CRBN: variants seen among roughly 807,000 people sequenced by gnomAD.
CRBN encodes the protein cereblon.
Under a neutral mutation model 62.2 loss-of-function variants are expected in CRBN, and 53 were observed. The ratio of observed to expected loss-of-function variants is 0.85; its 90% CI spans 0.68 to 1.07. The LOEUF (loss-of-function observed/expected upper bound fraction) is 1.07, where lower values mean the gene tolerates loss of function less well. Ranked by LOEUF, CRBN falls within the 50% of genes least tolerant of loss-of-function variation. The probability of loss-of-function intolerance (pLI) is 0.00; values close to 1 mark genes in which losing one functional copy is unlikely to be tolerated. For missense variants in CRBN, 616 were observed against 531.1 expected, an observed-to-expected ratio of 1.16 and a Z score of -1.57; for synonymous variants, 208 against 176.1, an observed-to-expected ratio of 1.18 and a Z score of -1.43.
chr3:3,155,979 G>A (rs538843888), intron 6 of CRBN: 2 of 453,832 alleles, frequency 4.4e-6, no homozygotes, highest in Non-Finnish European at 4.0e-6. Context: ...GCTAATTTTT[G>A]TATTTGTAGA....
At chr3:3,151,318 G>A (rs1004595733) in intron 10 of CRBN, among the ~76,000 whole-genome samples, 3 of 151,980 alleles carry the variant, frequency 2.0e-5, no homozygotes, top group African/African-American at 7.3e-5. Flanking sequence ...TTTCTTTATA[G>A]AAATTGCTGG....
intron 1 of CRBN, among the ~76,000 whole-genome samples, chr3:3,177,951 T>C (rs1441774169): frequency 6.6e-6 from 1 of 151,428 alleles, no homozygotes; most frequent in Non-Finnish European, 1.5e-5. Context: ...ATTATTGCTA[T>C]ATCTACACCA....
intron 5 of CRBN, among the ~76,000 whole-genome samples, chr3:3,166,130 A>G (rs538362355): frequency 2.6e-4 from 39 of 151,338 alleles, no homozygotes; most frequent in African/African-American, 7.7e-4. Context: ...CCCCACTCAA[A>G]TCTCATCTTG....
intron 1 of CRBN, among the ~76,000 whole-genome samples, chr3:3,178,887 A>C (rs711612): frequency 0.9 from 135,288 of 150,202 alleles, 62,444 homozygotes; most frequent in East Asian, 1. Flanking sequence ...TATTCCATGC[A>C]TTTTTTTTTT....
chr3:3,177,924 A>T (rs897844490), intron 1 of CRBN, among the ~76,000 whole-genome samples: 1 of 152,168 alleles, frequency 6.6e-6, no homozygotes, highest in Non-Finnish European at 1.5e-5. Context: ...AATAAAATTT[A>T]CGTAATTTGG....
At chr3:3,160,730 G>GT (rs1707106310) in intron 5 of CRBN, among the ~76,000 whole-genome samples, 2 of 152,234 alleles carry the variant, frequency 1.3e-5, no homozygotes, top group Admixed American at 1.3e-4. Context: ...CAAAAAAGCA[G>GT]TGAGGGGCTT....
chr3:3,178,658 A>C (rs1196036485), intron 1 of CRBN, among the ~76,000 whole-genome samples: 1 of 152,166 alleles, frequency 6.6e-6, no homozygotes, highest in Non-Finnish European at 1.5e-5. Context: ...GCCCTAAATC[A>C]ACCGCCTCTG....
At position 3,153,416 on chromosome 3, in the gene CRBN, G is replaced by A; in HGVS notation, c.1016+8C>T. On this transcript the variant is annotated splice_region_variant and intron_variant, in intron 9 of 10. Transcript: ENST00000231948. ...GCAAGTATATTAAAAACGTAATAAA[G>A]ACCTTACCTGAATATTTCATTTTTG... 3 of 1,434,748 alleles carry A rather than the reference G, an allele frequency of 2.1e-6. No homozygotes were observed. Among genetic ancestry groups the A allele is most frequent in the Non-Finnish European group, 2.9e-6 (3 of 1,017,028 alleles). The allele number at this position is 1,434,748 out of a possible 1,614,324, so 88.9% of individuals were successfully genotyped here. A position where few individuals can be genotyped will look rare whatever the true frequency, so the allele number is the denominator to read the frequency against.
In CRBN at chr3:3,153,610, C is replaced by A. The variant is rs1706735792; in HGVS notation, c.952-122G>T. The A allele has an allele frequency of 4.2e-6, 3 of 714,984 alleles. No homozygotes were observed. In the South Asian group the frequency reaches 4.7e-5, roughly 11 times the overall value. 44.3% of individuals were successfully genotyped at this position (714,984 alleles called of 1,614,324 possible). On this transcript the variant is annotated intron_variant, in intron 8 of 10. Coordinates refer to ENST00000231948, the MANE Select transcript of CRBN (RefSeq NM_016302.4). The stretch of plus-strand genomic sequence containing the variant: ...TTGCTCTCTCTGAATATCACATTTT[C>A]CTTCCAAGCATTCAAAAACACTTTT...
At chr3:3,156,438 G>GTA in intron 5 of CRBN, 157 bp from the exon 6 acceptor site, 1 of 646,734 alleles carries the variant, frequency 1.5e-6, no homozygotes. Flanking sequence ...GACTATCTAT[G>GTA]AAGTGTGAAA....
At chr3:3,172,650 A>C (rs1707667699) in intron 4 of CRBN, 126 bp downstream of exon 4, 1 of 981,564 alleles carries the variant, frequency 1.0e-6, no homozygotes, top group Non-Finnish European at 1.6e-6. Context: ...GCTATACCTT[A>C]GAAGGGAAAG....
At chr3:3,175,041 C>CTA (rs1246518984) in intron 2 of CRBN, 122 bp downstream of exon 2, 35 of 699,550 alleles carry the variant, frequency 5.0e-5, no homozygotes, top group Admixed American at 4.7e-4. Flanking sequence ...GGCAAATAGC[C>CTA]CATGTCCTCA....
At chr3:3,154,275 T>C (rs1361508174) in intron 7 of CRBN, 200 bp from the exon 8 acceptor site, 1 of 564,590 alleles carries the variant, frequency 1.8e-6, no homozygotes, top group Non-Finnish European at 3.1e-6. Context: ...TTTCTTATAC[T>C]TTTTTTGGTA....
In CRBN at chr3:3,154,811, G is replaced by C. The variant is rs764541420; in HGVS notation, c.771C>G (p.Ile257Met). ...LYDAETLMDR[I>M]KKQLREWDEN... is the part of the protein sequence containing the mutation. ...CATCCCATTCACGTAGCTGTTTCTT[G>C]ATTCTGTCCATTAAGGTCTCCTTGT... The change falls in exon 7 of 11, where the codon ATC becomes ATG. Residue 257 changes from isoleucine (I) to methionine (M), a missense_variant. By Grantham distance (10) the Ile-to-Met change is conservative. Transcript: ENST00000231948. 12 of 1,600,794 alleles carry C rather than the reference G, an allele frequency of 7.5e-6. No individual in the cohort carries two copies. The highest frequency in any genetic ancestry group is 5.0e-5 in the Admixed American group (3 of 59,962).
At chr3:3,167,443 T>G (rs1707394515) in intron 5 of CRBN, 191 bp downstream of exon 5, 2 of 573,726 alleles carry the variant, frequency 3.5e-6, no homozygotes, top group East Asian at 3.0e-5. Flanking sequence ...GTGTGACATT[T>G]TATTGCTTTT....
chr3:3,152,857 T>C (rs1206726444), intron 9 of CRBN: 1 of 475,310 alleles, frequency 2.1e-6, no homozygotes, highest in Non-Finnish European at 3.8e-6. Flanking sequence ...AAGACAGACA[T>C]TGTAAAGAAT....
chr3:3,158,935 GACAGTT>G (rs1397546503), intron 5 of CRBN, among the ~76,000 whole-genome samples: 3 of 152,318 alleles, frequency 2.0e-5, no homozygotes, highest in Non-Finnish European at 4.4e-5. Context: ...GAATCATGGG[GACAGTT>G]ACTGCCATGG....
Position 3,150,990 on chromosome 3 carries a change from A to G in CRBN, c.1204T>C (p.Phe402Leu). The part of the protein sequence containing the change: ...KICASHIGWK[F>L]TATKKDMSPQ... The stretch of plus-strand genomic sequence containing the variant: ...GACATGTCTTTTTTGGTGGCCGTAA[A>G]CTTCCATCCAATATGGCTTGCACAG... Residue 402 changes from phenylalanine (F) to leucine (L), a missense_variant, in exon 11 of 11, where the codon TTT (phenylalanine) becomes CTT (leucine). By Grantham distance (22) the Phe-to-Leu change is conservative (BLOSUM62 0). Transcript: ENST00000231948. The G allele has an allele frequency of 6.2e-7, 1 of 1,614,030 alleles. No homozygotes were observed. Among genetic ancestry groups the G allele is most frequent in the South Asian group, 1.1e-5 (1 of 91,082 alleles).
intron 5 of CRBN, among the ~76,000 whole-genome samples, chr3:3,157,951 A>C (rs1669338): frequency 0.72 from 109,537 of 152,084 alleles, 42,005 homozygotes; most frequent in East Asian, 0.92. Flanking sequence ...TAGGAGTTGC[A>C]ATATGGAAGA....
Sources: gnomAD v4.1 joint callset for allele counts (sites outside exome capture counted in the v4.1 genomes callset) on GRCh38, gnomAD v4.1.1 for gene constraint, MANE v1.5 for transcripts, NCBI Gene and HGNC (gene_info 2026-07-23, HGNC 2026-07-21) for gene names.